RPS6KC1: variants seen among roughly 807,000 people sequenced by gnomAD.
RPS6KC1 encodes inactive ribosomal protein S6 kinase delta-1.
In RPS6KC1, 54 loss-of-function variants were observed where a neutral mutation model predicts 103.8. That is an observed-to-expected ratio of 0.52 (90% confidence interval 0.42 to 0.65). The LOEUF is 0.65. Among genes scored for constraint, RPS6KC1 ranks in the 30% least tolerant of loss-of-function variants. The pLI is 0.00. For missense variants in RPS6KC1, 1,151 were observed against 1,253.8 expected (o/e 0.92, Z 1.24); for synonymous variants, 439 against 438.7 (o/e 1.00, Z -0.01).
intron 8 of RPS6KC1, among the ~76,000 whole-genome samples, chr1:213,216,937 C>T (rs1344055564): frequency 6.6e-6 from 1 of 151,804 alleles, no homozygotes; most frequent in Non-Finnish European, 1.5e-5. Flanking sequence ...CTAAAATTGA[C>T]ACCCTAACAT....
the RPS6KC1 span, among the ~76,000 whole-genome samples, chr1:213,719,729 C>T: frequency 1.3e-5 from 2 of 152,134 alleles, no homozygotes; most frequent in African/African-American, 2.4e-5. Flanking sequence ...CAAGCCAAAC[C>T]AGAAGCGGGG....
At chr1:213,630,203 G>A in the RPS6KC1 span, among the ~76,000 whole-genome samples, 6 of 152,126 alleles carry the variant, frequency 3.9e-5, no homozygotes, top group Admixed American at 6.5e-5. Context: ...CATTCTCCCC[G>A]TCACTTTCAG....
At chr1:213,578,691 A>C in the RPS6KC1 span, among the ~76,000 whole-genome samples, 1 of 151,132 alleles carries the variant, frequency 6.6e-6, no homozygotes, top group Non-Finnish European at 1.5e-5. Context: ...CATTTTGGCC[A>C]ATTTCTCCCA....
chr1:213,582,112 T>G, the RPS6KC1 span, among the ~76,000 whole-genome samples: 1 of 151,878 alleles, frequency 6.6e-6, no homozygotes, highest in Non-Finnish European at 1.5e-5. Flanking sequence ...TTGATTCATT[T>G]TTGAACATCC....
At chr1:213,356,011 G>A in the RPS6KC1 span, among the ~76,000 whole-genome samples, 2 of 152,312 alleles carry the variant, frequency 1.3e-5, no homozygotes, top group African/African-American at 4.8e-5. Context: ...TGTTCAGAAC[G>A]GTGCCTGCTC....
At chr1:213,218,647 A>G (rs1356220905) in intron 8 of RPS6KC1, among the ~76,000 whole-genome samples, 2 of 152,252 alleles carry the variant, frequency 1.3e-5, no homozygotes, top group South Asian at 4.1e-4. Flanking sequence ...TAACCAAAAC[A>G]GCATGGTACT....
At chr1:213,551,804 A>G in the RPS6KC1 span, among the ~76,000 whole-genome samples, 1 of 152,212 alleles carries the variant, frequency 6.6e-6, no homozygotes, top group African/African-American at 2.4e-5. Context: ...TCACCATTGT[A>G]GCATCATACA....
At chr1:213,475,647 A>G in the RPS6KC1 span, among the ~76,000 whole-genome samples, 161 of 152,146 alleles carry the variant, frequency 1.1e-3, no homozygotes, top group African/African-American at 3.4e-3. Context: ...GGGGCCCCCA[A>G]TGTCCACGAG....
At chr1:213,480,079 C>A in the RPS6KC1 span, among the ~76,000 whole-genome samples, 7,543 of 151,918 alleles carry the variant, frequency 0.05, 598 homozygotes, top group African/African-American at 0.16. Context: ...AAATATCTTA[C>A]TCATTTGTGG....
At chr1:213,456,329 T>C in the RPS6KC1 span, among the ~76,000 whole-genome samples, 5 of 152,284 alleles carry the variant, frequency 3.3e-5, no homozygotes, top group South Asian at 1.0e-3. Context: ...TACAACAGAC[T>C]CTTGACATAC....
the RPS6KC1 span, among the ~76,000 whole-genome samples, chr1:213,602,370 A>G: frequency 6.8e-6 from 1 of 147,290 alleles, no homozygotes; most frequent in Non-Finnish European, 1.5e-5. Context: ...AGTAGCTGGG[A>G]TTACAGGCAC....
chr1:213,202,309 G>A (rs2093192680), intron 8 of RPS6KC1, among the ~76,000 whole-genome samples: 1 of 151,876 alleles, frequency 6.6e-6, no homozygotes, highest in African/African-American at 2.4e-5. Context: ...ATGAATAATA[G>A]CATTTAAAAA....
At chr1:213,444,626 G>A in the RPS6KC1 span, among the ~76,000 whole-genome samples, 1 of 151,588 alleles carries the variant, frequency 6.6e-6, no homozygotes, top group Non-Finnish European at 1.5e-5. Flanking sequence ...GCGTGGTGGT[G>A]TGCACCTGTA....
the RPS6KC1 span, among the ~76,000 whole-genome samples, chr1:213,798,083 C>T: frequency 2.6e-5 from 4 of 152,178 alleles, no homozygotes; most frequent in African/African-American, 9.7e-5. Flanking sequence ...AAACTCTGTG[C>T]TGGACCCATC....
chr1:213,304,796 C>T, the RPS6KC1 span, among the ~76,000 whole-genome samples: 2 of 152,158 alleles, frequency 1.3e-5, no homozygotes, highest in Non-Finnish European at 1.5e-5. Context: ...CTGCCTTGGC[C>T]TCCCAAAGTG....
chr1:213,071,147 G>A, intron 2 of RPS6KC1, 106 bp downstream of exon 2: 1 of 632,768 alleles, frequency 1.6e-6, no homozygotes. Context: ...TCTTTTTTTT[G>A]AGACGGAGTT....
At chr1:213,382,311 A>G in the RPS6KC1 span, among the ~76,000 whole-genome samples, 3 of 152,198 alleles carry the variant, frequency 2.0e-5, no homozygotes, top group Non-Finnish European at 2.9e-5. Flanking sequence ...CCCTGTGGGC[A>G]TCTGTCTCCG....
At chr1:213,096,146 A>T (rs1238685363) in intron 3 of RPS6KC1, among the ~76,000 whole-genome samples, 9 of 152,198 alleles carry the variant, frequency 5.9e-5, no homozygotes, top group Admixed American at 2.0e-4. Context: ...TGTCATTTCA[A>T]CAGTGTTCAC....
chr1:213,630,574 C>G, the RPS6KC1 span, among the ~76,000 whole-genome samples: 1 of 152,214 alleles, frequency 6.6e-6, no homozygotes, highest in African/African-American at 2.4e-5. Context: ...CTTCTTCTCT[C>G]AACTCGTCAA....
Sources: allele counts gnomAD v4.1 joint callset (sites outside exome capture counted in the v4.1 genomes callset), GRCh38; gene constraint gnomAD v4.1.1; transcripts MANE v1.5; gene names NCBI Gene and HGNC (gene_info 2026-07-23, HGNC 2026-07-21).